The following NDST4 variants were observed in gnomAD, a reference collection of about 807,000 sequenced individuals.
NDST4 encodes N-deacetylase and N-sulfotransferase 4.
NDST4 carries 63 observed loss-of-function variants against 100.8 expected under a neutral mutation model. The ratio of observed to expected loss-of-function variants is 0.62; its 90% CI spans 0.51 to 0.77. NDST4 has a LOEUF of 0.77. Among genes scored for constraint, NDST4 ranks in the 30% least tolerant of loss-of-function variants. The probability of loss-of-function intolerance (pLI) is 0.00; values close to 1 mark genes in which losing one functional copy is unlikely to be tolerated. For missense variants in NDST4, 943 were observed against 1,018.4 expected (o/e 0.93, Z 1.01); for synonymous variants, 377 against 361.8 (o/e 1.04, Z -0.48).
chr4:114,882,279 C>T (rs1348789993), intron 6 of NDST4, among the ~76,000 whole-genome samples: 1 of 151,906 alleles, frequency 6.6e-6, no homozygotes, highest in East Asian at 1.9e-4. Context: ...GAAGATTCCC[C>T]TCAAAGCAAG....
At chr4:114,948,513 A>G (rs2126231050) in intron 4 of NDST4, among the ~76,000 whole-genome samples, 1 of 152,204 alleles carries the variant, frequency 6.6e-6, no homozygotes, top group East Asian at 1.9e-4. Context: ...TTATTAAATA[A>G]TTATATTTTT....
intron 2 of NDST4, among the ~76,000 whole-genome samples, chr4:115,035,933 G>A (rs868113831): frequency 1.3e-5 from 2 of 151,910 alleles, no homozygotes; most frequent in Non-Finnish European, 1.5e-5. Context: ...TAAAAATACA[G>A]AAAGATAATG....
intron 6 of NDST4, among the ~76,000 whole-genome samples, chr4:114,871,362 G>A (rs1054758274): frequency 2.0e-5 from 3 of 152,026 alleles, no homozygotes; most frequent in Admixed American, 1.3e-4. Context: ...TCAAGAAAAC[G>A]TGTTTCTTTG....
chr4:115,009,463 A>G (rs1393295496), intron 2 of NDST4, among the ~76,000 whole-genome samples: 1 of 125,516 alleles, frequency 8.0e-6, no homozygotes, highest in Non-Finnish European at 1.7e-5. Context: ...AAATGGTGCT[A>G]GGAAAACTGG....
chr4:114,861,477 T>C (rs1048758941), intron 7 of NDST4, among the ~76,000 whole-genome samples: 5 of 152,148 alleles, frequency 3.3e-5, no homozygotes, highest in African/African-American at 1.2e-4. Context: ...AGTTAGGCAA[T>C]TGGAGCAAGA....
chr4:114,871,038 C>A, intron 6 of NDST4, 88 bp from the exon 7 acceptor site: 1 of 861,772 alleles, frequency 1.2e-6, no homozygotes, highest in Non-Finnish European at 1.7e-6. Context: ...CCTCACCTCA[C>A]CTTGGAATTT....
chr4:114,909,032 AC>A (rs1388988845), intron 6 of NDST4, among the ~76,000 whole-genome samples: 1 of 152,146 alleles, frequency 6.6e-6, no homozygotes, highest in Admixed American at 6.5e-5. Context: ...TTTTTCTACT[AC>A]CTTGATATAA....
chr4:114,967,733 A>G (rs1276592233), intron 4 of NDST4, among the ~76,000 whole-genome samples: 1 of 152,172 alleles, frequency 6.6e-6, no homozygotes, highest in Non-Finnish European at 1.5e-5. Context: ...CACATTTATG[A>G]GACATTTCCT....
chr4:114,943,985 A>G (rs1725807195), intron 4 of NDST4, among the ~76,000 whole-genome samples: 1 of 152,188 alleles, frequency 6.6e-6, no homozygotes, highest in South Asian at 2.1e-4. Context: ...CAAGGACCAC[A>G]AGCTTGAGTC....
chr4:114,838,001 T>C (rs1485973065), intron 11 of NDST4, among the ~76,000 whole-genome samples: 1 of 152,126 alleles, frequency 6.6e-6, no homozygotes, highest in Non-Finnish European at 1.5e-5. Flanking sequence ...CATCAAGAAG[T>C]AGGCAAAGTA....
Position 115,076,413 on chromosome 4 carries a change from G to A in NDST4, c.624C>T (p.Pro208=). 6.2e-7 allele frequency: 1 copy of A among 1,613,920 alleles called. No individual in the cohort carries two copies. Among genetic ancestry groups the A allele is most frequent in the South Asian group, 1.1e-5 (1 of 91,074 alleles). ...CAGGAAGAGGGCCTTTCTCAACCTT[G>A]GGGGCTTTGGTAATATGCAGCAAAG... is the stretch of plus-strand genomic sequence containing the variant. ...QSPLLHITKA[P]KVEKGPLPGE... Residue 208 remains proline (P), a synonymous_variant, in exon 2 of 14, where the codon CCC becomes CCT. Coordinates refer to ENST00000264363, the MANE Select transcript of NDST4 (RefSeq NM_022569.3).
At chr4:114,943,849 A>G (rs1725803946) in intron 4 of NDST4, among the ~76,000 whole-genome samples, 1 of 152,142 alleles carries the variant, frequency 6.6e-6, no homozygotes. Flanking sequence ...GGGGGAATAG[A>G]TGAGTTAAGA....
At chr4:115,037,541 T>G (rs1465425893) in intron 2 of NDST4, among the ~76,000 whole-genome samples, 1 of 151,924 alleles carries the variant, frequency 6.6e-6, no homozygotes, top group African/African-American at 2.4e-5. Context: ...TATTGTTATG[T>G]GCATGTATGT....
At chr4:114,870,747 A>G (rs1021071183) in intron 7 of NDST4, 21 bp downstream of exon 7, 41 of 1,580,536 alleles carry the variant, frequency 2.6e-5, no homozygotes, top group Non-Finnish European at 3.4e-5. Context: ...TTCCACCCCA[A>G]GAGAGAATGT....
chr4:114,926,068 A>G (rs1224502801), intron 6 of NDST4, among the ~76,000 whole-genome samples: 8 of 152,158 alleles, frequency 5.3e-5, no homozygotes, highest in African/African-American at 1.4e-4. Context: ...TGATTAAATT[A>G]TATTTCTTCC....
At chr4:115,097,151 T>C (rs531048471) in intron 1 of NDST4, among the ~76,000 whole-genome samples, 10 of 152,274 alleles carry the variant, frequency 6.6e-5, no homozygotes, top group Middle Eastern at 3.4e-3. Context: ...CTATTTATAT[T>C]CACTTCCTTG....
At chr4:115,094,110 G>A (rs1208257010) in intron 1 of NDST4, among the ~76,000 whole-genome samples, 1 of 151,398 alleles carries the variant, frequency 6.6e-6, no homozygotes, top group Non-Finnish European at 1.5e-5. Context: ...TGCTTCAGAT[G>A]TTAAAAAAAT....
rs1045284600 is a variant in NDST4, at chr4:115,093,424, G to A, written c.-246-16142C>T. Among the ~76,000 whole-genome samples the A allele has an allele frequency of 5.3e-5, 8 of 151,852 alleles. 1 individual carries two copies. Among genetic ancestry groups the A allele is most frequent in the Admixed American group, 3.9e-4 (6 of 15,234 alleles). ...CGGGAGGCAGAGCTTGTAGTGAGCT[G>A]AGATAGCGCCACTGCACTCCAGCCT... On this transcript the variant is annotated intron_variant, in intron 1 of 13. Transcript: ENST00000264363.
chr4:115,079,022 GAACT>G (rs755863406), intron 1 of NDST4, among the ~76,000 whole-genome samples: 26 of 151,756 alleles, frequency 1.7e-4, no homozygotes, highest in Non-Finnish European at 3.7e-4. Context: ...ATTTGAGAAT[GAACT>G]AACACAGCAT....
Sources: gnomAD v4.1 joint callset for allele counts (sites outside exome capture counted in the v4.1 genomes callset) on GRCh38, gnomAD v4.1.1 for gene constraint, MANE v1.5 for transcripts, NCBI Gene and HGNC (gene_info 2026-07-23, HGNC 2026-07-21) for gene names.